Variants in GPC5 observed in about 807,000 individuals in gnomAD.
The protein encoded by GPC5 is glypican 5.
In GPC5, 47 loss-of-function variants were observed where a neutral mutation model predicts 53.9. The ratio of observed to expected loss-of-function variants is 0.87; its 90% CI spans 0.69 to 1.11. GPC5 has a LOEUF of 1.11. GPC5 is among the 50% of genes most tolerant of loss of function. The pLI is 0.00. For missense variants in GPC5, 748 were observed against 713.1 expected (o/e 1.05, Z -0.56); for synonymous variants, 286 against 263.3 (o/e 1.09, Z -0.84).
intron 2 of GPC5, among the ~76,000 whole-genome samples, chr13:91,636,014 T>G (rs1367312125): frequency 2.6e-5 from 4 of 152,098 alleles, no homozygotes; most frequent in African/African-American, 7.2e-5. Context: ...TTTTCTGTTT[T>G]GGTTGTTGCC....
chr13:92,555,823 T>C (rs918776276), intron 7 of GPC5, among the ~76,000 whole-genome samples: 2 of 150,744 alleles, frequency 1.3e-5, no homozygotes, highest in Non-Finnish European at 1.5e-5. Flanking sequence ...AAAATACATC[T>C]GCTACAGGGG....
intron 6 of GPC5, among the ~76,000 whole-genome samples, chr13:92,018,506 A>G (rs2040728446): frequency 6.6e-6 from 1 of 152,154 alleles, no homozygotes; most frequent in African/African-American, 2.4e-5. Flanking sequence ...TGGTACTTAA[A>G]AAAAGAAAAA....
intron 7 of GPC5, among the ~76,000 whole-genome samples, chr13:92,331,163 T>C (rs1287843302): frequency 6.6e-6 from 1 of 152,142 alleles, no homozygotes; most frequent in African/African-American, 2.4e-5. Context: ...GAAGTCTGAG[T>C]GAATAATTTC....
intron 7 of GPC5, among the ~76,000 whole-genome samples, chr13:92,846,082 C>T (rs1878601852): frequency 6.6e-6 from 1 of 152,114 alleles, no homozygotes; most frequent in South Asian, 2.1e-4. Context: ...AATTGACTTA[C>T]AGTTCTGCAG....
chr13:92,214,846 G>C (rs4281579), intron 7 of GPC5, among the ~76,000 whole-genome samples: 23,343 of 152,252 alleles, frequency 0.15, 2,259 homozygotes, highest in Admixed American at 0.21. Flanking sequence ...AGAGAGAGAA[G>C]AGACAGACAG....
chr13:92,479,992 A>T (rs371885175), intron 7 of GPC5, among the ~76,000 whole-genome samples: 1 of 152,172 alleles, frequency 6.6e-6, no homozygotes, highest in Non-Finnish European at 1.5e-5. Context: ...ATCATCAGAA[A>T]GAATACAAAG....
Position 91,433,761 on chromosome 13 carries a change from C to A in GPC5, c.164-15000C>A, listed in dbSNP as rs1321563446. On this transcript the variant is annotated intron_variant, in intron 1 of 7. Coordinates refer to ENST00000377067, the MANE Select transcript of GPC5 (RefSeq NM_004466.6). ...AAATGGTATTTCTAGTTCTAGATCCCTGAGGAATTGCCACACTGACTTCCA... is the reference window on the plus strand; with the variant it reads ...AAATGGTATTTCTAGTTCTAGATCCATGAGGAATTGCCACACTGACTTCCA... Among the ~76,000 whole-genome samples, 7 of 152,190 alleles carry A rather than the reference C, an allele frequency of 4.6e-5. No individual in the cohort carries two copies. In the East Asian group the frequency reaches 9.7e-4, roughly 21 times the overall value.
chr13:92,206,222 G>A, intron 7 of GPC5, among the ~76,000 whole-genome samples: 1 of 143,426 alleles, frequency 7.0e-6, no homozygotes, highest in East Asian at 2.2e-4. Context: ...CTGGAGTGTA[G>A]TGGCGCAATC....
At chr13:92,763,769 G>A (rs1875285937) in intron 7 of GPC5, among the ~76,000 whole-genome samples, 1 of 152,158 alleles carries the variant, frequency 6.6e-6, no homozygotes, top group Non-Finnish European at 1.5e-5. Flanking sequence ...ATGGGTTGTA[G>A]CTATGAATAT....
intron 7 of GPC5, among the ~76,000 whole-genome samples, chr13:92,698,131 G>A (rs1314321907): frequency 6.6e-6 from 1 of 151,906 alleles, no homozygotes; most frequent in Non-Finnish European, 1.5e-5. Flanking sequence ...TCACATCGAT[G>A]TTCATCAGGG....
At chr13:92,288,874 G>A (rs1292940687) in intron 7 of GPC5, among the ~76,000 whole-genome samples, 1 of 152,084 alleles carries the variant, frequency 6.6e-6, no homozygotes, top group Admixed American at 6.6e-5. Flanking sequence ...GTTTCATAAA[G>A]TCCCCTCCAA....
At chr13:92,471,976 T>C (rs1280065705) in intron 7 of GPC5, among the ~76,000 whole-genome samples, 1 of 152,156 alleles carries the variant, frequency 6.6e-6, no homozygotes, top group Non-Finnish European at 1.5e-5. Flanking sequence ...AATCATTGTG[T>C]TCCTTTGGAC....
intron 7 of GPC5, among the ~76,000 whole-genome samples, chr13:92,490,512 G>T (rs1879721076): frequency 6.6e-6 from 1 of 152,078 alleles, no homozygotes; most frequent in Admixed American, 6.5e-5. Flanking sequence ...TGGAAGACTG[G>T]CTCTACCACT....
At chr13:92,473,880 T>C (rs1472398022) in intron 7 of GPC5, among the ~76,000 whole-genome samples, 1 of 152,138 alleles carries the variant, frequency 6.6e-6, no homozygotes, top group African/African-American at 2.4e-5. Context: ...GTATATCACT[T>C]GAACTTCCTT....
chr13:92,217,407 C>T (rs558938596), intron 7 of GPC5, among the ~76,000 whole-genome samples: 29 of 152,312 alleles, frequency 1.9e-4, no homozygotes, highest in Admixed American at 1.7e-3. Context: ...TCCAGTTTCT[C>T]ATCCTCTACC....
chr13:91,595,038 A>G (rs991924303), intron 2 of GPC5, among the ~76,000 whole-genome samples: 1 of 139,818 alleles, frequency 7.2e-6, no homozygotes, highest in Non-Finnish European at 1.5e-5. Flanking sequence ...TTATTTATTT[A>G]TTTCTAGACG....
chr13:92,865,327 CCAT>C (rs1879304762), intron 7 of GPC5, among the ~76,000 whole-genome samples: 1 of 152,166 alleles, frequency 6.6e-6, no homozygotes, highest in African/African-American at 2.4e-5. Context: ...ATCTACACCT[CCAT>C]CCTCACAGCT....
chr13:92,058,809 G>A (rs937116763), intron 6 of GPC5, among the ~76,000 whole-genome samples: 1 of 152,188 alleles, frequency 6.6e-6, no homozygotes, highest in Non-Finnish European at 1.5e-5. Flanking sequence ...CTCCCAAAGT[G>A]CTGGGATTAC....
chr13:91,501,773 C>T (rs531528716), intron 2 of GPC5, among the ~76,000 whole-genome samples: 1 of 152,096 alleles, frequency 6.6e-6, no homozygotes, highest in African/African-American at 2.4e-5. Context: ...TAATGGGATG[C>T]CTGGGTCAAA....
Sources: allele counts gnomAD v4.1 joint callset (sites outside exome capture counted in the v4.1 genomes callset), GRCh38; gene constraint gnomAD v4.1.1; transcripts MANE v1.5; gene names NCBI Gene and HGNC (gene_info 2026-07-23, HGNC 2026-07-21).